Variants in IL1RAPL1 observed in about 807,000 individuals in gnomAD.
The protein encoded by IL1RAPL1 is interleukin 1 receptor accessory protein like 1, also known as interleukin-1 receptor accessory protein-like 1.
Under a neutral mutation model 48.4 loss-of-function variants are expected in IL1RAPL1, and 3 were observed. That is an observed-to-expected ratio of 0.06 (90% CI 0.03 to 0.16). The LOEUF (loss-of-function observed/expected upper bound fraction) is 0.16, where lower values mean the gene tolerates loss of function less well. Among genes scored for constraint, IL1RAPL1 ranks in the 10% least tolerant of loss-of-function variants. The probability of loss-of-function intolerance (pLI) is 1.00; values close to 1 mark genes in which losing one functional copy is unlikely to be tolerated. For synonymous variants in IL1RAPL1, 185 were observed against 187.7 expected (o/e 0.99, Z 0.12); for missense variants, 349 against 530.6 (o/e 0.66, Z 3.36).
chrX:28,703,513 A>G (rs1039513750), intron 1 of IL1RAPL1, among the ~76,000 whole-genome samples: 3 of 111,354 alleles, frequency 2.7e-5, no homozygotes, highest in African/African-American at 9.8e-5. Flanking sequence ...AAATTAATGG[A>G]ACAGGCTTTT....
At chrX:29,915,515 C>T (rs1228496851) in intron 6 of IL1RAPL1, among the ~76,000 whole-genome samples, 1 of 111,362 alleles carries the variant, frequency 9.0e-6, no homozygotes, top group African/African-American at 3.3e-5. Context: ...GTTACAGATA[C>T]TCATGCCCTA....
chrX:29,326,740 A>G (rs1348744919), intron 3 of IL1RAPL1, among the ~76,000 whole-genome samples: 2 of 112,077 alleles, frequency 1.8e-5, no homozygotes, highest in Non-Finnish European at 3.8e-5. Flanking sequence ...GACTCTGCAC[A>G]TAAGTGGCCT....
chrX:29,786,286 C>G (rs1929496339), intron 6 of IL1RAPL1, among the ~76,000 whole-genome samples: 2 of 110,946 alleles, frequency 1.8e-5, no homozygotes, highest in South Asian at 7.7e-4. Flanking sequence ...GAACACAGAT[C>G]AGTAATATAA....
At chrX:28,716,253 G>GCATT (rs1299120361) in intron 1 of IL1RAPL1, among the ~76,000 whole-genome samples, 1 of 111,981 alleles carries the variant, frequency 8.9e-6, no homozygotes, top group African/African-American at 3.2e-5. Context: ...AAAGCTGGAA[G>GCATT]CATTCCCCTT....
Position 29,849,432 on chromosome X carries a change from A to G in IL1RAPL1, c.779-68032A>G, listed in dbSNP as rs998786903. ...CAGTTCCCCTACAAGTTTGTATTCT[A>G]TGAAATAGACAGGCCCTATACAATG... On this transcript the variant is annotated intron_variant, in intron 6 of 10. Coordinates refer to ENST00000378993, the MANE Select transcript of IL1RAPL1 (RefSeq NM_014271.4). Among the ~76,000 whole-genome samples the G allele has an allele frequency of 4.5e-5, 5 of 111,762 alleles. No individual in the cohort carries two copies. In the Admixed American group the frequency reaches 4.8e-4, roughly 11 times the overall value.
intron 5 of IL1RAPL1, among the ~76,000 whole-genome samples, chrX:29,645,719 C>A (rs887502151): frequency 1.8e-5 from 2 of 111,809 alleles, no homozygotes; most frequent in African/African-American, 6.5e-5. Context: ...TGCCCCAGGG[C>A]TGTGCTAGCC....
At chrX:29,470,049 G>A (rs1934905301) in intron 5 of IL1RAPL1, among the ~76,000 whole-genome samples, 1 of 112,011 alleles carries the variant, frequency 8.9e-6, no homozygotes. Flanking sequence ...TAGTACCATC[G>A]AAGTTTCACC....
At chrX:28,729,408 T>C (rs2146945725) in intron 1 of IL1RAPL1, among the ~76,000 whole-genome samples, 1 of 111,301 alleles carries the variant, frequency 9.0e-6, no homozygotes, top group South Asian at 3.7e-4. Flanking sequence ...AGCATAAAAG[T>C]ATCCAGAGGA....
chrX:29,018,781 C>T (rs1926297691), intron 2 of IL1RAPL1, among the ~76,000 whole-genome samples: 2 of 111,771 alleles, frequency 1.8e-5, no homozygotes, highest in African/African-American at 6.5e-5. Context: ...TACATTAAAA[C>T]AGGCCTAGAC....
chrX:29,213,804 C>G (rs114606590), intron 2 of IL1RAPL1, among the ~76,000 whole-genome samples: 1,753 of 112,228 alleles, frequency 0.016, 33 homozygotes, highest in African/African-American at 0.049. Context: ...TCAAGCGTAA[C>G]TTCCCCCACC....
intron 3 of IL1RAPL1, among the ~76,000 whole-genome samples, chrX:29,333,607 C>T (rs1385415621): frequency 8.9e-5 from 8 of 90,010 alleles, no homozygotes; most frequent in East Asian, 7.2e-4. Context: ...CCCTCCCAGA[C>T]GGGGCGGCTG....
intron 3 of IL1RAPL1, among the ~76,000 whole-genome samples, chrX:29,310,145 A>C: frequency 1.0e-5 from 1 of 100,273 alleles, no homozygotes; most frequent in East Asian, 2.9e-4. Context: ...GAAAAAAAAA[A>C]AAACAAAAAA....
chrX:29,570,790 C>T (rs769495055), intron 5 of IL1RAPL1, among the ~76,000 whole-genome samples: 1 of 112,093 alleles, frequency 8.9e-6, no homozygotes, highest in African/African-American at 3.2e-5. Context: ...ATTCACTTGC[C>T]CACAAAAGGT....
chrX:29,928,173 G>C (rs935445312), intron 8 of IL1RAPL1, among the ~76,000 whole-genome samples: 1 of 112,181 alleles, frequency 8.9e-6, no homozygotes, highest in Non-Finnish European at 1.9e-5. Context: ...TGAGCTGCCA[G>C]TGGCAGCAGT....
intron 1 of IL1RAPL1, among the ~76,000 whole-genome samples, chrX:28,636,502 G>A (rs1318296433): frequency 9.0e-6 from 1 of 111,457 alleles, no homozygotes; most frequent in African/African-American, 3.3e-5. Context: ...ACTAATAATA[G>A]TTTAAGCCCA....
At chrX:29,662,762 TG>T (rs1925884546) in intron 5 of IL1RAPL1, among the ~76,000 whole-genome samples, 1 of 111,696 alleles carries the variant, frequency 9.0e-6, no homozygotes, top group Non-Finnish European at 1.9e-5. Context: ...CTCCTTGGCA[TG>T]ACTCTTAAGT....
In IL1RAPL1 at chrX:29,675,522, C is replaced by T. The variant is rs985907629; in HGVS notation, c.778+7018C>T. On this transcript the variant is annotated intron_variant, in intron 6 of 10. Coordinates refer to ENST00000378993, the MANE Select transcript of IL1RAPL1 (RefSeq NM_014271.4). Reference sequence around the variant, plus strand: ...GAAGCTATATAGGTATAAATCTTTGCAATTCTAAATGAAGAACTTTAGGAG... The same window carrying T: ...GAAGCTATATAGGTATAAATCTTTGTAATTCTAAATGAAGAACTTTAGGAG... Among the ~76,000 whole-genome samples the T allele has an allele frequency of 8.9e-5, 10 of 112,454 alleles. 1 individual carries two copies.
At chrX:29,716,025 GC>G (rs1321477528) in intron 6 of IL1RAPL1, among the ~76,000 whole-genome samples, 4 of 111,763 alleles carry the variant, frequency 3.6e-5, no homozygotes, top group East Asian at 2.8e-4. Context: ...AGTGTCACAT[GC>G]TTGATTCTCT....
intron 2 of IL1RAPL1, among the ~76,000 whole-genome samples, chrX:29,050,675 G>A (rs1193391173): frequency 8.9e-6 from 1 of 111,974 alleles, no homozygotes; most frequent in Non-Finnish European, 1.9e-5. Context: ...TTATTTTTCA[G>A]GAAGCTGGCC....
Sources: gnomAD v4.1 joint callset for allele counts (sites outside exome capture counted in the v4.1 genomes callset) on GRCh38, gnomAD v4.1.1 for gene constraint, MANE v1.5 for transcripts, NCBI Gene and HGNC (gene_info 2026-07-23, HGNC 2026-07-21) for gene names.